Variants in PIK3C2G observed in about 807,000 individuals in gnomAD.
PIK3C2G encodes the protein phosphatidylinositol-4-phosphate 3-kinase catalytic subunit type 2 gamma.
Under a neutral mutation model 181.1 loss-of-function variants are expected in PIK3C2G, and 168 were observed. That is an observed-to-expected ratio of 0.93 (90% CI 0.82 to 1.05). PIK3C2G has a LOEUF of 1.05. PIK3C2G is among the 50% of genes least tolerant of loss of function. The pLI, the probability that PIK3C2G is intolerant of heterozygous loss-of-function variation, is 0.00. For synonymous variants in PIK3C2G, 573 were observed against 592.2 expected (o/e 0.97, Z 0.47); for missense variants, 1,869 against 1,732.8 (o/e 1.08, Z -1.40).
At chr12:18,421,299 C>A (rs938583528) in intron 17 of PIK3C2G, among the ~76,000 whole-genome samples, 1 of 151,752 alleles carries the variant, frequency 6.6e-6, no homozygotes, top group African/African-American at 2.4e-5. Context: ...GCTCATGATA[C>A]AAATTTATAA....
At chr12:18,338,625 A>T in intron 9 of PIK3C2G, 77 bp downstream of exon 9, 1 of 911,578 alleles carries the variant, frequency 1.1e-6, no homozygotes, top group Admixed American at 2.1e-5. Context: ...AAGACTTTTT[A>T]CTAACAACTA....
At chr12:18,445,530 T>A (rs1006046825) in intron 18 of PIK3C2G, among the ~76,000 whole-genome samples, 5 of 152,174 alleles carry the variant, frequency 3.3e-5, no homozygotes, top group Non-Finnish European at 7.3e-5. Flanking sequence ...GTTTATCAGT[T>A]ATCTTTTACA....
chr12:18,664,656 G>A, the PIK3C2G span, among the ~76,000 whole-genome samples: 1 of 151,746 alleles, frequency 6.6e-6, no homozygotes, highest in Non-Finnish European at 1.5e-5. Flanking sequence ...CCCATTATTG[G>A]GTATATACCC....
At chr12:18,565,477 A>C (rs989724002) in intron 28 of PIK3C2G, among the ~76,000 whole-genome samples, 67 of 152,330 alleles carry the variant, frequency 4.4e-4, no homozygotes, top group African/African-American at 1.6e-3. Context: ...TCTGAGGACA[A>C]GACAAAAGGG....
At chr12:18,515,497 G>A (rs1942479391) in intron 24 of PIK3C2G, among the ~76,000 whole-genome samples, 1 of 151,834 alleles carries the variant, frequency 6.6e-6, no homozygotes, top group Non-Finnish European at 1.5e-5. Context: ...GGATTTTCCA[G>A]TTTGTTGGCA....
chr12:18,286,511 C>T (rs1371428118), intron 2 of PIK3C2G, among the ~76,000 whole-genome samples: 3 of 151,866 alleles, frequency 2.0e-5, no homozygotes, highest in Admixed American at 2.0e-4. Flanking sequence ...AATGCATATA[C>T]ATTATTTATG....
At chr12:18,716,837 C>G in the PIK3C2G span, among the ~76,000 whole-genome samples, 1 of 152,074 alleles carries the variant, frequency 6.6e-6, no homozygotes, top group Admixed American at 6.5e-5. Context: ...TGAATTTTAA[C>G]TGGTAATAAA....
chr12:18,620,234 A>C (rs2136660126), intron 31 of PIK3C2G, among the ~76,000 whole-genome samples: 1 of 152,222 alleles, frequency 6.6e-6, no homozygotes, highest in Non-Finnish European at 1.5e-5. Flanking sequence ...ATTAAGAGAA[A>C]GGTATTAAAA....
At chr12:18,265,762 C>G (rs1350548752) in intron 1 of PIK3C2G, among the ~76,000 whole-genome samples, 10 of 151,772 alleles carry the variant, frequency 6.6e-5, no homozygotes, top group Admixed American at 6.6e-4. Context: ...GCCTGTAATC[C>G]CAGCACTTTG....
intron 18 of PIK3C2G, among the ~76,000 whole-genome samples, chr12:18,446,506 G>A (rs971222025): frequency 5.8e-4 from 88 of 152,246 alleles, no homozygotes; most frequent in Admixed American, 5.2e-3. Context: ...AGTGCTAACA[G>A]TATCACTGTC....
chr12:18,702,554 T>C, the PIK3C2G span, among the ~76,000 whole-genome samples: 2 of 152,286 alleles, frequency 1.3e-5, no homozygotes, highest in Non-Finnish European at 2.9e-5. Context: ...AGGCATCCAT[T>C]CAAATTATTC....
At chr12:18,723,257 G>GA in the PIK3C2G span, 1 of 1,475,348 alleles carries the variant, frequency 6.8e-7, no homozygotes, top group Admixed American at 2.1e-5. Context: ...TTTGAAAAAA[G>GA]AAAAAATACT....
chr12:18,709,703 A>C, the PIK3C2G span, among the ~76,000 whole-genome samples: 1 of 152,048 alleles, frequency 6.6e-6, no homozygotes, highest in Non-Finnish European at 1.5e-5. Flanking sequence ...ACAACATAAC[A>C]ATACCACACC....
intron 25 of PIK3C2G, among the ~76,000 whole-genome samples, chr12:18,544,906 T>C (rs559169372): frequency 6.6e-6 from 1 of 152,024 alleles, no homozygotes; most frequent in African/African-American, 2.4e-5. Flanking sequence ...TTCTACTTCC[T>C]ACATTTATTT....
At chr12:18,320,336 C>T (rs199652164) in intron 6 of PIK3C2G, among the ~76,000 whole-genome samples, 1 of 144,904 alleles carries the variant, frequency 6.9e-6, no homozygotes, top group African/African-American at 2.6e-5. Flanking sequence ...TGTGTGTGTG[C>T]GTGTGTGTGT....
At chr12:18,675,290 G>A in the PIK3C2G span, among the ~76,000 whole-genome samples, 2 of 152,048 alleles carry the variant, frequency 1.3e-5, no homozygotes, top group East Asian at 1.9e-4. Context: ...TAAACAAATC[G>A]ATGGCTGTTT....
chr12:18,358,658 C>A, intron 11 of PIK3C2G: 1 of 495,938 alleles, frequency 2.0e-6, no homozygotes, highest in Non-Finnish European at 4.1e-6. Context: ...TCAGCATCAT[C>A]AAAATCATCC....
At chr12:18,677,235 CCA>C in the PIK3C2G span, among the ~76,000 whole-genome samples, 1 of 152,018 alleles carries the variant, frequency 6.6e-6, no homozygotes, top group Non-Finnish European at 1.5e-5. Flanking sequence ...CACTTTAAAT[CCA>C]GAGAGCAAAA....
intron 18 of PIK3C2G, among the ~76,000 whole-genome samples, chr12:18,435,544 TAGGGTATGAGATCCATGTTA>T (rs1946400429): frequency 6.6e-6 from 1 of 152,134 alleles, no homozygotes; most frequent in Admixed American, 6.6e-5. Context: ...AGTTTAGAAT[TAGGGTATGAGATCCATGTTA>T]AGAGAGAAAA....
Sources: allele counts gnomAD v4.1 joint callset (sites outside exome capture counted in the v4.1 genomes callset), GRCh38; gene constraint gnomAD v4.1.1; transcripts MANE v1.5; gene names NCBI Gene and HGNC (gene_info 2026-07-23, HGNC 2026-07-21).